Variants in PROM1 observed in about 807,000 individuals in gnomAD.
PROM1 encodes the protein prominin 1.
Under a neutral mutation model 116.9 loss-of-function variants are expected in PROM1, and 105 were observed. That is an observed-to-expected ratio of 0.90 (90% CI 0.77 to 1.06). PROM1 has a LOEUF of 1.06. PROM1 is among the 50% of genes least tolerant of loss of function. The pLI is 0.00. For synonymous variants in PROM1, 393 were observed against 387.0 expected, an observed-to-expected ratio of 1.02 and a Z score of -0.18; for missense variants, 1,122 against 1,045.2, an observed-to-expected ratio of 1.07 and a Z score of -1.01.
Position 16,075,679 on chromosome 4 carries a change from G to A in PROM1, c.220+8C>T. ...TAAATCCTATCTTTCCCTGCCATCA[G>A]CACTTACCTTCTGGGAAATCACGCG... is the stretch of plus-strand genomic sequence containing the variant. On this transcript the variant is annotated splice_region_variant and intron_variant, in intron 2 of 27. Coordinates refer to ENST00000447510, the MANE Select transcript of PROM1 (RefSeq NM_006017.3). 6.2e-7 allele frequency: 1 copy of A among 1,607,634 alleles called. No homozygotes were observed. Among genetic ancestry groups the A allele is most frequent in the East Asian group, 2.2e-5 (1 of 44,762 alleles).
At chr4:15,976,458 T>A (rs148438392) in intron 26 of PROM1, among the ~76,000 whole-genome samples, 29 of 152,332 alleles carry the variant, frequency 1.9e-4, no homozygotes, top group Middle Eastern at 3.4e-3. Context: ...GTGGCACTAA[T>A]AGGTGCTCGG....
At position 16,055,063 on chromosome 4, in the gene PROM1, C is replaced by T. The variant is rs112849346; in HGVS notation, c.221-16062G>A. On this transcript the variant is annotated intron_variant, in intron 2 of 27. Transcript: ENST00000447510. ...CATTCCTTAAAGCAGAAGATGTTCT[C>T]TCTGCCACACAAATCCTGTAACTCC... Among the ~76,000 whole-genome samples the T allele has an allele frequency of 4.1e-4, 62 of 152,338 alleles. 1 individual carries two copies. The highest frequency in any genetic ancestry group is 9.4e-4 in the African/African-American group (39 of 41,582).
chr4:15,987,566 T>C (rs1019560977), intron 20 of PROM1, 97 bp downstream of exon 20: 2 of 1,267,374 alleles, frequency 1.6e-6, no homozygotes, highest in African/African-American at 3.0e-5. Context: ...GGCTTTTTTT[T>C]TCAACTTAAA....
chr4:16,074,259 A>G (rs1743468419), intron 2 of PROM1, among the ~76,000 whole-genome samples: 1 of 152,094 alleles, frequency 6.6e-6, no homozygotes, highest in African/African-American at 2.4e-5. Flanking sequence ...TTGAGGAGAT[A>G]GATACACCAT....
In PROM1 at chr4:15,997,401, T is replaced by C. The variant is rs553042266; in HGVS notation, c.1682+984A>G. 2.1e-4 allele frequency among the ~76,000 whole-genome samples: 32 copies of C among 150,918 alleles called. No individual in the cohort carries two copies. In the South Asian group the frequency reaches 3.6e-3, roughly 17 times the overall value. On this transcript the variant is annotated intron_variant, in intron 15 of 27. Coordinates refer to ENST00000447510, the MANE Select transcript of PROM1 (RefSeq NM_006017.3). ...GTGGTGAAATGGGCTCCTAGTCTGA[T>C]GGCTGGTAGTATACATCACCTGAGG... is the stretch of plus-strand genomic sequence containing the variant.
chr4:16,010,965 C>T (rs1726748623), intron 11 of PROM1, among the ~76,000 whole-genome samples: 1 of 152,222 alleles, frequency 6.6e-6, no homozygotes, highest in South Asian at 2.1e-4. Context: ...TGTGTGAAAA[C>T]ACCTGAGGAT....
intron 15 of PROM1, among the ~76,000 whole-genome samples, chr4:15,995,050 AT>A (rs1418096726): frequency 6.6e-6 from 1 of 152,182 alleles, no homozygotes; most frequent in Non-Finnish European, 1.5e-5. Context: ...AGAAAAGCCA[AT>A]GGATTGCTAA....
intron 2 of PROM1, among the ~76,000 whole-genome samples, chr4:16,039,316 T>G (rs1220009887): frequency 6.6e-6 from 1 of 152,236 alleles, no homozygotes; most frequent in African/African-American, 2.4e-5. Context: ...AATAATCATT[T>G]ATAAAAATTT....
At chr4:16,061,509 CA>C (rs1205482087) in intron 2 of PROM1, among the ~76,000 whole-genome samples, 10 of 152,300 alleles carry the variant, frequency 6.6e-5, no homozygotes, top group Middle Eastern at 6.8e-3. Flanking sequence ...AGCTAAAGCC[CA>C]CTTTCTCGGC....
At chr4:16,031,002 C>T (rs372578320) in intron 5 of PROM1, among the ~76,000 whole-genome samples, 6 of 152,034 alleles carry the variant, frequency 3.9e-5, no homozygotes, top group African/African-American at 7.3e-5. Context: ...GCTGTGATAG[C>T]GCCACTGCAC....
chr4:16,022,152 G>A (rs919481483), intron 8 of PROM1, among the ~76,000 whole-genome samples: 3 of 151,202 alleles, frequency 2.0e-5, no homozygotes, highest in Non-Finnish European at 4.4e-5. Flanking sequence ...AGAAAGGGAG[G>A]GAGGGAGGGA....
At chr4:16,025,153 A>C (rs752942065) in intron 6 of PROM1, 39 bp downstream of exon 6, 2 of 1,591,280 alleles carry the variant, frequency 1.3e-6, no homozygotes, top group Non-Finnish European at 1.7e-6. Context: ...AAAACCAAAA[A>C]TATAAAGCAT....
intron 2 of PROM1, among the ~76,000 whole-genome samples, chr4:16,066,582 C>T (rs565376619): frequency 6.6e-6 from 1 of 152,250 alleles, no homozygotes; most frequent in Admixed American, 6.5e-5. Context: ...GCACAGGCCA[C>T]CTGTGTCATC....
chr4:15,995,472 G>A (rs1239986316), intron 15 of PROM1, among the ~76,000 whole-genome samples: 3 of 152,154 alleles, frequency 2.0e-5, no homozygotes, highest in East Asian at 1.9e-4. Context: ...CAAAGCCTAC[G>A]AGTAACATTT....
At position 15,979,352 on chromosome 4, in the gene PROM1, G is replaced by A. The variant is rs11725522; in HGVS notation, c.2582+43C>T. On this transcript the variant is annotated intron_variant, in intron 26 of 27. Transcript: ENST00000447510. ...AGTGCTGATCTATAGGAGATGAGAC[G>A]GTTTATCATAGGGCGGGCATGCACT... 0.29 allele frequency: 464,561 copies of A among 1,611,730 alleles called. 69,991 individuals are homozygous for A. Among genetic ancestry groups the A allele is most frequent in the Non-Finnish European group, 0.31 (360,342 of 1,178,616 alleles).
chr4:16,033,848 C>T (rs976627297), intron 4 of PROM1, among the ~76,000 whole-genome samples: 35 of 151,734 alleles, frequency 2.3e-4, no homozygotes, highest in South Asian at 4.2e-4. Context: ...CCGCACCTGG[C>T]CATGTTTCAT....
At chr4:15,985,138 T>C (rs1006927556) in intron 22 of PROM1, among the ~76,000 whole-genome samples, 6 of 152,230 alleles carry the variant, frequency 3.9e-5, no homozygotes, top group Non-Finnish European at 8.8e-5. Context: ...CAGACTTTTT[T>C]TAATACAGTA....
At chr4:16,019,557 T>C (rs1428949328) in intron 8 of PROM1, among the ~76,000 whole-genome samples, 9 of 152,170 alleles carry the variant, frequency 5.9e-5, no homozygotes, top group Non-Finnish European at 2.9e-5. Context: ...CCAGAAAAAT[T>C]GTTTGCTATC....
In PROM1 at chr4:16,075,744, G is replaced by C; in HGVS notation, c.163C>G (p.Leu55Val). The C allele has an allele frequency of 1.2e-6, 2 of 1,613,864 alleles. No homozygotes were observed. Among genetic ancestry groups the C allele is most frequent in the Non-Finnish European group, 1.7e-6 (2 of 1,179,866 alleles). The change falls in exon 2 of 28, where the codon CTC becomes GTC. Residue 55 changes from leucine (L) to valine (V), a missense_variant. Transcript: ENST00000447510. ...DSHKAGPIGI[L>V]FELVHIFLYV... Reference sequence around the variant, plus strand: ...AGAAAGATATGCACTAGTTCAAAGAGAATGCCAATGGGTCCAGCTTTATGG... The same window carrying C: ...AGAAAGATATGCACTAGTTCAAAGACAATGCCAATGGGTCCAGCTTTATGG...
Sources: allele counts gnomAD v4.1 joint callset (sites outside exome capture counted in the v4.1 genomes callset), GRCh38; gene constraint gnomAD v4.1.1; transcripts MANE v1.5; gene names NCBI Gene and HGNC (gene_info 2026-07-23, HGNC 2026-07-21).